The following RAD23B variants were observed in gnomAD, a reference collection of about 807,000 sequenced individuals.
RAD23B encodes RAD23 nucleotide excision repair protein B, also known as lysine-specific demethylase RAD23B.
RAD23B carries 5 observed loss-of-function variants against 49.1 expected under a neutral mutation model. The ratio of observed to expected loss-of-function variants is 0.10; its 90% CI spans 0.05 to 0.21. RAD23B has a LOEUF of 0.21. Among genes scored for constraint, RAD23B ranks in the 10% least tolerant of loss-of-function variants. The pLI, the probability that RAD23B is intolerant of heterozygous loss-of-function variation, is 1.00. For synonymous variants in RAD23B, 184 were observed against 165.4 expected, an observed-to-expected ratio of 1.11 and a Z score of -0.86; for missense variants, 356 against 486.7, an observed-to-expected ratio of 0.73 and a Z score of 2.53.
chr9:107,324,135 C>T, intron 8 of RAD23B, 118 bp downstream of exon 8: 1 of 1,159,720 alleles, frequency 8.6e-7, no homozygotes, highest in Non-Finnish European at 1.2e-6. Context: ...TGAATGTTTT[C>T]TTCCAAGCTA....
chr9:107,316,747 A>G (rs1827005989), intron 5 of RAD23B, among the ~76,000 whole-genome samples: 1 of 152,108 alleles, frequency 6.6e-6, no homozygotes, highest in Non-Finnish European at 1.5e-5. Context: ...TATCAGGGAA[A>G]CATGCAGAAT....
At chr9:107,297,497 T>C (rs1826552748) in intron 1 of RAD23B, among the ~76,000 whole-genome samples, 1 of 152,036 alleles carries the variant, frequency 6.6e-6, no homozygotes, top group African/African-American at 2.4e-5. Context: ...CCAGCCACCA[T>C]GCCCGGCTAA....
At chr9:107,327,902 ATTG>A (rs1827240812) in intron 9 of RAD23B, among the ~76,000 whole-genome samples, 1 of 152,122 alleles carries the variant, frequency 6.6e-6, no homozygotes, top group Non-Finnish European at 1.5e-5. Flanking sequence ...GTTATATATA[ATTG>A]TTGTGTCTTC....
At chr9:107,283,719 G>GGGCAGC in intron 1 of RAD23B, 24 bp downstream of exon 1, 1 of 1,424,562 alleles carries the variant, frequency 7.0e-7, no homozygotes, top group East Asian at 3.3e-5. Flanking sequence ...CCGGGGGCAG[G>GGGCAGC]GGCAGCCGCG....
At chr9:107,299,123 A>G (rs921734893) in intron 1 of RAD23B, among the ~76,000 whole-genome samples, 1 of 152,204 alleles carries the variant, frequency 6.6e-6, no homozygotes, top group Non-Finnish European at 1.5e-5. Context: ...GGATTGTGTG[A>G]AATTGTATGT....
At chr9:107,300,257 C>G in intron 2 of RAD23B, 35 bp downstream of exon 2, 1 of 1,572,668 alleles carries the variant, frequency 6.4e-7, no homozygotes, top group Non-Finnish European at 8.6e-7. Context: ...CATGCCATGT[C>G]TTGATATTCT....
At chr9:107,324,722 A>ACG (rs1827171103) in intron 8 of RAD23B, 112 bp from the exon 9 acceptor site, 1 of 1,101,642 alleles carries the variant, frequency 9.1e-7, no homozygotes, top group African/African-American at 1.6e-5. Context: ...GAATCACTAA[A>ACG]TTACGTTTGC....
chr9:107,307,785 T>G (rs1826808580), intron 4 of RAD23B, among the ~76,000 whole-genome samples: 1 of 152,166 alleles, frequency 6.6e-6, no homozygotes, highest in African/African-American at 2.4e-5. Flanking sequence ...TTCTAAATAA[T>G]TGATTCCCTA....
At chr9:107,329,149 A>T (rs1827261945) in intron 9 of RAD23B, among the ~76,000 whole-genome samples, 1 of 152,232 alleles carries the variant, frequency 6.6e-6, no homozygotes, top group African/African-American at 2.4e-5. Context: ...AGGTACTCTC[A>T]TCCTTATCTT....
Position 107,318,414 on chromosome 9 carries a change from C to A in RAD23B, c.554-338C>A, listed in dbSNP as rs190252933. Among the ~76,000 whole-genome samples the A allele has an allele frequency of 1.8e-4, 28 of 152,316 alleles. No individual in the cohort carries two copies. The East Asian group carries it at 3.5e-3, about 19-fold the overall frequency. On this transcript the variant is annotated intron_variant, in intron 5 of 9. Coordinates refer to ENST00000358015, the MANE Select transcript of RAD23B (RefSeq NM_002874.5). The surrounding 1 kb of genome is among the most constrained non-coding windows in gnomAD (Gnocchi z 4.3). ...TCTCTGACCCTCTCATCTGCCTCCT[C>A]CTACTACTATTAAGGATTCATGTCA...
At position 107,331,375 on chromosome 9, in the gene RAD23B, C is replaced by G; in HGVS notation, c.*1719C>G. The G allele has an allele frequency of 3.6e-6, 1 of 279,224 alleles. No homozygotes were observed. Among genetic ancestry groups the G allele is most frequent in the East Asian group, 6.7e-5 (1 of 14,962 alleles). The allele number at this position is 279,224 out of a possible 1,614,324, so 17.3% of individuals were successfully genotyped here. ...AAAAATAGCCAGGCATGGTGGCGCACGCCTGTGGTCCCAGCTACTTGGGAG... is the reference window on the plus strand; with the variant it reads ...AAAAATAGCCAGGCATGGTGGCGCAGGCCTGTGGTCCCAGCTACTTGGGAG... On this transcript the variant is annotated 3_prime_UTR_variant, in exon 10 of 10. Coordinates refer to ENST00000358015, the MANE Select transcript of RAD23B (RefSeq NM_002874.5).
chr9:107,289,038 CTCTCCCTT>C (rs879415475), intron 1 of RAD23B, among the ~76,000 whole-genome samples: 82,931 of 129,466 alleles, frequency 0.64, 26,812 homozygotes, highest in East Asian at 0.75. Context: ...CTCCCTTCCT[CTCTCCCTT>C]CCTCCCTCCC....
chr9:107,295,414 G>A (rs764106228), intron 1 of RAD23B, among the ~76,000 whole-genome samples: 1 of 152,150 alleles, frequency 6.6e-6, no homozygotes, highest in Non-Finnish European at 1.5e-5. Context: ...ACTTGGAGGC[G>A]AACCAGAGGA....
intron 6 of RAD23B, among the ~76,000 whole-genome samples, chr9:107,319,250 C>T (rs1827062438): frequency 6.6e-6 from 1 of 151,148 alleles, no homozygotes; most frequent in Non-Finnish European, 1.5e-5. Context: ...CCTGCCTCAG[C>T]CTCCTAAGTA....
intron 4 of RAD23B, among the ~76,000 whole-genome samples, chr9:107,310,997 T>G (rs1050887100): frequency 2.6e-5 from 4 of 152,230 alleles, no homozygotes; most frequent in African/African-American, 9.6e-5. Context: ...AACTTCTAAC[T>G]ACTACCTTTA....
chr9:107,322,085 A>G lies in RAD23B; in HGVS notation c.784A>G (p.Thr262Ala), dbSNP rs780025783. ...AGCAGTGGCTGCAGCTGCAGCAACT[A>G]CGACAGCAACAACTACAACAACAAG... ...SSAVAAAAAT[T>A]TATTTTTSSG... The change falls in exon 7 of 10, where the codon ACG becomes GCG. Residue 262 changes from threonine (T) to alanine (A), a missense_variant. Around this residue, in one of 5 missense-constraint regions of RAD23B, gnomAD observed 148 missense variants for 231.7 expected, o/e 0.64. Transcript: ENST00000358015. 13 of 1,610,244 alleles carry G rather than the reference A, an allele frequency of 8.1e-6. No homozygotes were observed. The highest frequency in any genetic ancestry group is 1.3e-5 in the African/African-American group (1 of 74,966).
At chr9:107,316,784 TG>T (rs1272530170) in intron 5 of RAD23B, among the ~76,000 whole-genome samples, 2 of 151,698 alleles carry the variant, frequency 1.3e-5, no homozygotes, top group African/African-American at 4.9e-5. Context: ...CAGTCAAACT[TG>T]CATTCAGTTG....
chr9:107,294,174 T>C (rs1247335372), intron 1 of RAD23B, among the ~76,000 whole-genome samples: 1 of 152,202 alleles, frequency 6.6e-6, no homozygotes, highest in Non-Finnish European at 1.5e-5. Flanking sequence ...TGTCTTCCTT[T>C]GGAGGAAAAA....
intron 7 of RAD23B, among the ~76,000 whole-genome samples, chr9:107,322,555 GA>G (rs1397614241): frequency 6.6e-6 from 1 of 152,212 alleles, no homozygotes; most frequent in African/African-American, 2.4e-5. Context: ...CTTGTATCTA[GA>G]GGAGAAAGCA....
Sources: allele counts gnomAD v4.1 joint callset (sites outside exome capture counted in the v4.1 genomes callset), GRCh38; gene constraint gnomAD v4.1.1; regional missense constraint gnomAD v4.1.1; non-coding constraint Gnocchi (gnomAD v3.1); transcripts MANE v1.5; gene names NCBI Gene and HGNC (gene_info 2026-07-23, HGNC 2026-07-21).